The following CARS2 variants were observed in gnomAD, a reference collection of about 807,000 sequenced individuals.
CARS2 encodes probable cysteine--tRNA ligase, mitochondrial.
A neutral mutation model predicts 68.8 loss-of-function variants in CARS2; 52 were observed. The ratio of observed to expected loss-of-function variants is 0.76; its 90% confidence interval spans 0.61 to 0.95. CARS2 has a LOEUF of 0.95. Among genes scored for constraint, CARS2 ranks in the 40% least tolerant of loss-of-function variants. CARS2 has a pLI of 0.00. For missense variants in CARS2, 780 were observed against 754.2 expected (o/e 1.03, Z -0.40); for synonymous variants, 314 against 303.6 (o/e 1.03, Z -0.36).
At chr13:110,681,165 A>G (rs1434479331) in intron 6 of CARS2, among the ~76,000 whole-genome samples, 1 of 152,160 alleles carries the variant, frequency 6.6e-6, no homozygotes, top group Admixed American at 6.5e-5. Flanking sequence ...TTGGCCTCCT[A>G]AAGTGCTGGA....
Position 110,665,914 on chromosome 13 carries a change from T to C in CARS2, c.919+1426A>G. The C allele has an allele frequency of 1.0e-6, 1 of 985,400 alleles. No homozygotes were observed. The highest frequency in any genetic ancestry group is 1.2e-6 in the Non-Finnish European group (1 of 829,912). The allele number at this position is 985,400 out of a possible 1,614,324, so 61.0% of individuals were successfully genotyped here. A position where few individuals can be genotyped will look rare whatever the true frequency, so the allele number is the denominator to read the frequency against. ...CAAAAACTAGTATTTGTTAATTTCCTGTATTTCAGATGTCAAAGTTTGCAT... is the reference window on the plus strand; with the variant it reads ...CAAAAACTAGTATTTGTTAATTTCCCGTATTTCAGATGTCAAAGTTTGCAT... On this transcript the variant is annotated intron_variant, in intron 8 of 14. Transcript: ENST00000257347. The surrounding 1 kb of genome is among the most constrained non-coding windows in gnomAD (Gnocchi z 4.3).
At chr13:110,682,389 G>A (rs1321118821) in intron 6 of CARS2, among the ~76,000 whole-genome samples, 2 of 152,314 alleles carry the variant, frequency 1.3e-5, no homozygotes, top group Admixed American at 6.5e-5. Context: ...CACGGCGGGG[G>A]AAGGAAAGAA....
chr13:110,706,705 G>A (rs1470891731), upstream of CARS2, among the ~76,000 whole-genome samples: 1 of 149,950 alleles, frequency 6.7e-6, no homozygotes, highest in Admixed American at 6.6e-5. Flanking sequence ...TACACAATGT[G>A]CAACCCAACA....
intron 8 of CARS2, 106 bp from the exon 9 acceptor site, chr13:110,663,624 T>C: frequency 6.6e-7 from 1 of 1,511,802 alleles, no homozygotes; most frequent in Non-Finnish European, 8.8e-7. Flanking sequence ...ACATATCCAA[T>C]GTATAGACCA....
chr13:110,666,828 G>T (rs1156979035), intron 8 of CARS2: 1 of 985,258 alleles, frequency 1.0e-6, no homozygotes. Context: ...CTGTAAACTT[G>T]GAAATACGAC....
chr13:110,683,301 C>T (rs975732830), intron 5 of CARS2, among the ~76,000 whole-genome samples, 167 bp from the exon 6 acceptor site: 8 of 152,164 alleles, frequency 5.3e-5, no homozygotes, highest in Non-Finnish European at 1.0e-4. Context: ...TGCTGTTGCT[C>T]AGGCTGGAGT....
rs542613803 is a variant in CARS2, at chr13:110,654,263, A to G, written c.988-3163T>C. 2.6e-5 allele frequency among the ~76,000 whole-genome samples: 4 copies of G among 152,368 alleles called. No homozygotes were observed. In the South Asian group the frequency reaches 8.3e-4, roughly 32 times the overall value. Reference sequence around the variant, plus strand: ...GCTTGCTTTGAGACGTACAGTAACTAGAAAGCAGGTTTTAAACCATTATCT... The same window carrying G: ...GCTTGCTTTGAGACGTACAGTAACTGGAAAGCAGGTTTTAAACCATTATCT... On this transcript the variant is annotated intron_variant, in intron 9 of 14. Coordinates refer to ENST00000257347, the MANE Select transcript of CARS2 (RefSeq NM_024537.4).
At chr13:110,659,184 G>T (rs1238523271) in intron 9 of CARS2, among the ~76,000 whole-genome samples, 2 of 152,018 alleles carry the variant, frequency 1.3e-5, no homozygotes, top group Non-Finnish European at 2.9e-5. Flanking sequence ...CATAAACACA[G>T]ATAAAGCCCC....
At chr13:110,643,962 G>C in intron 13 of CARS2, 1 of 419,984 alleles carries the variant, frequency 2.4e-6, no homozygotes, top group South Asian at 2.1e-5. Context: ...GGTGACTCGT[G>C]CCTGTCGGGG....
chr13:110,677,219 G>C, intron 6 of CARS2, 116 bp from the exon 7 acceptor site: 1 of 961,486 alleles, frequency 1.0e-6, no homozygotes, highest in Non-Finnish European at 1.4e-6. Context: ...TGGAAACACA[G>C]AAAATCACCC....
At chr13:110,650,870 C>G (rs1008178119) in intron 10 of CARS2, 164 bp downstream of exon 10, 3 of 587,278 alleles carry the variant, frequency 5.1e-6, no homozygotes, top group East Asian at 3.0e-5. Flanking sequence ...CACTGGGATC[C>G]CTCGTCCTCT....
intron 8 of CARS2, chr13:110,666,917 G>A (rs1289465792): frequency 1.0e-6 from 1 of 985,340 alleles, no homozygotes; most frequent in East Asian, 1.1e-4. Context: ...ATCCACTTCT[G>A]AGAGCAGACA....
intron 8 of CARS2, 105 bp from the exon 9 acceptor site, chr13:110,663,623 A>C (rs1347841437): frequency 6.5e-7 from 1 of 1,528,804 alleles, no homozygotes; most frequent in Non-Finnish European, 8.8e-7. Flanking sequence ...CACATATCCA[A>C]TGTATAGACC....
At chr13:110,682,936 G>C in intron 6 of CARS2, 115 bp downstream of exon 6, 1 of 600,140 alleles carries the variant, frequency 1.7e-6, no homozygotes, top group South Asian at 2.7e-5. Context: ...GCTGTGACCT[G>C]GGTAAGGCCA....
At chr13:110,648,581 C>CA (rs1184838936) in intron 10 of CARS2, 2 of 152,286 alleles carry the variant, frequency 1.3e-5, no homozygotes, top group African/African-American at 4.8e-5. Context: ...GATGGAAGCT[C>CA]AGACAGCAAG....
chr13:110,692,039 TATATATATACACATATAC>T (rs1157540787), intron 3 of CARS2, among the ~76,000 whole-genome samples: 4 of 134,894 alleles, frequency 3.0e-5, no homozygotes, highest in African/African-American at 1.1e-4. Context: ...CACACACATA[TATATATATACACATATAC>T]ATATATATAT....
In CARS2 at chr13:110,663,888, G is replaced by A. The variant is rs1437333606; in HGVS notation, c.920-370C>T. The stretch of plus-strand genomic sequence containing the variant: ...GATACTGGTCAGCATCTGAAGAAAC[G>A]ACAAAGCTCTCATTTGACAAATCAG... On this transcript the variant is annotated intron_variant, in intron 8 of 14. Transcript: ENST00000257347. 17 of 1,026,596 alleles carry A rather than the reference G, an allele frequency of 1.7e-5. No homozygotes were observed. In the East Asian group the frequency reaches 2.5e-4, roughly 15 times the overall value. 63.6% of individuals were successfully genotyped at this position (1,026,596 alleles called of 1,614,324 possible).
chr13:110,669,268 G>A (rs1288064930), intron 7 of CARS2, among the ~76,000 whole-genome samples: 4 of 152,104 alleles, frequency 2.6e-5, no homozygotes, highest in South Asian at 2.1e-4. Context: ...GGAATGGGGC[G>A]ACCCTACTCG....
intron 6 of CARS2, among the ~76,000 whole-genome samples, chr13:110,678,825 C>T (rs1057376964): frequency 6.6e-6 from 1 of 152,006 alleles, no homozygotes; most frequent in Non-Finnish European, 1.5e-5. Flanking sequence ...AAAAGCGGAC[C>T]TGGAGACGGT....
Sources: allele counts gnomAD v4.1 joint callset (sites outside exome capture counted in the v4.1 genomes callset), GRCh38; gene constraint gnomAD v4.1.1; non-coding constraint Gnocchi (gnomAD v3.1); transcripts MANE v1.5; gene names NCBI Gene and HGNC (gene_info 2026-07-23, HGNC 2026-07-21).